The following DNAH14 variants were observed in gnomAD, a reference collection of about 807,000 sequenced individuals.
DNAH14 encodes dynein axonemal heavy chain 14.
A neutral mutation model predicts 520.9 loss-of-function variants in DNAH14; 478 were observed. The observed-to-expected ratio is 0.92, with a 90% CI of 0.85 to 0.99. DNAH14 has a LOEUF of 0.99. Ranked by LOEUF, DNAH14 falls within the 50% of genes least tolerant of loss-of-function variation. The pLI is 0.00. For synonymous variants in DNAH14, 1,581 were observed against 1,757.2 expected, an observed-to-expected ratio of 0.90 and a Z score of 2.51; for missense variants, 4,831 against 5,234.5, an observed-to-expected ratio of 0.92 and a Z score of 2.38.
In DNAH14 at chr1:225,353,894, A is replaced by G. The variant is rs184646723; in HGVS notation, c.11619+6A>G. 219 of 1,386,010 alleles carry G rather than the reference A, an allele frequency of 1.6e-4. 2 individuals carry two copies. In the East Asian group the frequency reaches 2.8e-3, roughly 18 times the overall value. The allele number at this position is 1,386,010 out of a possible 1,614,324, so 85.9% of individuals were successfully genotyped here. A position where few individuals can be genotyped will look rare whatever the true frequency, so the allele number is the denominator to read the frequency against. ...CATTTCAAAGACTTATTTTGGTAAG[A>G]TATCTTATGAGGAAATATTAATATT... On this transcript the variant is annotated splice_donor_region_variant and intron_variant, in intron 73 of 85. Coordinates refer to ENST00000682510, the MANE Select transcript of DNAH14 (RefSeq NM_001367479.1).
intron 32 of DNAH14, among the ~76,000 whole-genome samples, chr1:225,152,461 A>G (rs554788831): frequency 6.6e-6 from 1 of 152,300 alleles, no homozygotes; most frequent in South Asian, 2.1e-4. Context: ...TAATAGTCCA[A>G]GGAATCAGAG....
At chr1:225,071,940 G>A (rs1338107650) in intron 17 of DNAH14, among the ~76,000 whole-genome samples, 2 of 152,130 alleles carry the variant, frequency 1.3e-5, no homozygotes, top group Admixed American at 6.5e-5. Flanking sequence ...GGTGAGATTT[G>A]GGTGGGGACA....
intron 52 of DNAH14, among the ~76,000 whole-genome samples, chr1:225,274,194 GTTATTTTTTTT>G (rs962941037): frequency 1.7e-5 from 2 of 120,330 alleles, no homozygotes; most frequent in African/African-American, 6.8e-5. Context: ...ACCAGCATCT[GTTATTTTTTTT>G]TTTTTTTTTT....
At chr1:225,063,232 T>C (rs2449326) in intron 17 of DNAH14, among the ~76,000 whole-genome samples, 152,235 of 152,252 alleles carry the variant, frequency 1, 76,109 homozygotes, top group Non-Finnish European at 1. Flanking sequence ...CCAAAATCCA[T>C]AGATACTCAA....
intron 23 of DNAH14, among the ~76,000 whole-genome samples, chr1:225,107,460 G>A (rs1452987937): frequency 3.3e-5 from 5 of 152,168 alleles, no homozygotes; most frequent in Non-Finnish European, 5.9e-5. Context: ...ATATGGCTCC[G>A]ATGAGTGGAG....
chr1:224,954,745 A>G (rs1338764396), intron 2 of DNAH14, among the ~76,000 whole-genome samples: 9 of 152,168 alleles, frequency 5.9e-5, no homozygotes, highest in South Asian at 2.1e-4. Context: ...CAAAGTGCCT[A>G]TCAAAAATTA....
At chr1:224,991,297 G>A (rs570251236) in intron 8 of DNAH14, among the ~76,000 whole-genome samples, 2 of 149,890 alleles carry the variant, frequency 1.3e-5, no homozygotes, top group South Asian at 4.3e-4. Flanking sequence ...AGTAGAGATG[G>A]GCTTTCACTG....
At chr1:225,182,778 G>A (rs577708226) in intron 36 of DNAH14, among the ~76,000 whole-genome samples, 1 of 152,278 alleles carries the variant, frequency 6.6e-6, no homozygotes, top group South Asian at 2.1e-4. Flanking sequence ...AGCACAAAGA[G>A]AGTATTTAGA....
At chr1:224,947,711 C>G (rs1003210986) in intron 1 of DNAH14, among the ~76,000 whole-genome samples, 3 of 151,978 alleles carry the variant, frequency 2.0e-5, no homozygotes, top group Non-Finnish European at 4.4e-5. Context: ...ATGAGTACCT[C>G]TTTAGCTGCA....
At chr1:225,276,826 CA>C (rs1269449892) in intron 53 of DNAH14, among the ~76,000 whole-genome samples, 6 of 150,880 alleles carry the variant, frequency 4.0e-5, no homozygotes, top group African/African-American at 7.3e-5. Flanking sequence ...AGGGCTGAGG[CA>C]AGAGGATTGC....
At chr1:225,030,369 A>G (rs936997727) in intron 11 of DNAH14, among the ~76,000 whole-genome samples, 2 of 151,922 alleles carry the variant, frequency 1.3e-5, no homozygotes, top group African/African-American at 4.8e-5. Context: ...TTGATAAACA[A>G]GAGTTTTTAA....
chr1:225,073,491 A>G (rs2071805275), intron 17 of DNAH14, among the ~76,000 whole-genome samples: 1 of 152,028 alleles, frequency 6.6e-6, no homozygotes, highest in Admixed American at 6.5e-5. Flanking sequence ...ATGGTTTTGT[A>G]GAGCGGATGT....
intron 27 of DNAH14, among the ~76,000 whole-genome samples, chr1:225,132,676 C>A (rs1401195943): frequency 6.6e-6 from 1 of 152,124 alleles, no homozygotes; most frequent in Admixed American, 6.5e-5. Flanking sequence ...CTTCAATGAA[C>A]ATACATGTGT....
At position 225,287,758 on chromosome 1, in the gene DNAH14, G is replaced by A. The variant is rs2093779935; in HGVS notation, c.8272-2127G>A. Among the ~76,000 whole-genome samples the A allele has an allele frequency of 2.0e-5, 3 of 152,126 alleles. No homozygotes were observed. The South Asian group carries it at 6.2e-4, about 32-fold the overall frequency. On this transcript the variant is annotated intron_variant, in intron 54 of 85. Transcript: ENST00000682510. ...GGAAAATTGCTGATTATAGGACTGG[G>A]ACAGGAAATATACAATATGAGCCTG...
intron 27 of DNAH14, among the ~76,000 whole-genome samples, chr1:225,127,900 C>A (rs2077930842): frequency 6.6e-6 from 1 of 152,108 alleles, no homozygotes; most frequent in African/African-American, 2.4e-5. Flanking sequence ...TTAGGGCAGG[C>A]CTGGTGGTGA....
intron 23 of DNAH14, among the ~76,000 whole-genome samples, chr1:225,101,814 T>C (rs931274533): frequency 2.0e-5 from 3 of 152,190 alleles, no homozygotes; most frequent in African/African-American, 7.2e-5. Context: ...AGTGCTTCAA[T>C]AAACACAGAG....
intron 43 of DNAH14, among the ~76,000 whole-genome samples, chr1:225,244,080 C>T (rs1241191341): frequency 6.6e-6 from 1 of 151,984 alleles, no homozygotes; most frequent in Non-Finnish European, 1.5e-5. Flanking sequence ...TATCGAAGGC[C>T]TTTTCTGCAT....
intron 38 of DNAH14, among the ~76,000 whole-genome samples, chr1:225,201,311 T>G (rs920200470): frequency 6.6e-6 from 1 of 152,178 alleles, no homozygotes; most frequent in African/African-American, 2.4e-5. Context: ...TTCACCTTTC[T>G]CTGGTGCCTC....
chr1:225,324,921 G>A (rs2094625592), intron 64 of DNAH14, 89 bp downstream of exon 64: 1 of 908,468 alleles, frequency 1.1e-6, no homozygotes, highest in Non-Finnish European at 1.6e-6. Flanking sequence ...CAGATAAGAT[G>A]GAAATAATAA....
Sources: gnomAD v4.1 joint callset for allele counts (sites outside exome capture counted in the v4.1 genomes callset) on GRCh38, gnomAD v4.1.1 for gene constraint, MANE v1.5 for transcripts, NCBI Gene and HGNC (gene_info 2026-07-23, HGNC 2026-07-21) for gene names.